Variants in SLC71A1 observed in about 807,000 individuals in gnomAD.
The protein encoded by SLC71A1 is solute carrier family 71 member 1, also known as hippocampus abundant gene transcript 1.
chr1:100,061,814 C>T, the SLC71A1 span: 1 of 1,430,780 alleles, frequency 7.0e-7, no homozygotes, highest in African/African-American at 1.4e-5. Context: ...CTAACCATTT[C>T]TTGTTATCTT....
chr1:100,082,844 T>TTAAG, the SLC71A1 span: 10 of 152,692 alleles, frequency 6.5e-5, no homozygotes, highest in Non-Finnish European at 1.3e-4. Flanking sequence ...CATTTAGCAT[T>TTAAG]TAAGTTGGGG....
At chr1:100,069,803 T>C in the SLC71A1 span, 7 of 711,302 alleles carry the variant, frequency 9.8e-6, no homozygotes, top group Admixed American at 1.4e-4. Flanking sequence ...CTGAGGTTGA[T>C]AGGTTCAGAA....
At chr1:100,081,734 A>G in the SLC71A1 span, among the ~76,000 whole-genome samples, 5 of 152,324 alleles carry the variant, frequency 3.3e-5, no homozygotes, top group Admixed American at 3.3e-4. Context: ...CAAATTAATC[A>G]TAGAATAGCT....
the SLC71A1 span, chr1:100,077,249 G>A: frequency 1.3e-6 from 2 of 1,574,362 alleles, no homozygotes; most frequent in Non-Finnish European, 1.7e-6. Context: ...ATTACAGTTG[G>A]CATGGTATGG....
At chr1:100,071,289 CAAAAAAAA>C in the SLC71A1 span, among the ~76,000 whole-genome samples, 25 of 53,388 alleles carry the variant, frequency 4.7e-4, no homozygotes, top group South Asian at 1.4e-3. Context: ...CCATCTCTAC[CAAAAAAAA>C]AAAAAAAAAA....
the SLC71A1 span, chr1:100,078,724 T>C: frequency 2.3e-4 from 117 of 509,448 alleles, 2 homozygotes; most frequent in Middle Eastern, 2.0e-3. Context: ...TAGATACATA[T>C]TCCCTTTTCT....
At chr1:100,070,436 C>T in the SLC71A1 span, among the ~76,000 whole-genome samples, 3 of 152,180 alleles carry the variant, frequency 2.0e-5, no homozygotes, top group South Asian at 4.1e-4. Context: ...GGGACCAGAT[C>T]GTGCGGGGCT....
At chr1:100,046,144 A>G in the SLC71A1 span, among the ~76,000 whole-genome samples, 1 of 139,262 alleles carries the variant, frequency 7.2e-6, no homozygotes, top group Non-Finnish European at 1.5e-5. Flanking sequence ...TACCAGTATT[A>G]TGCTGTTTTG....
chr1:100,052,841 T>G, the SLC71A1 span, among the ~76,000 whole-genome samples: 1 of 150,300 alleles, frequency 6.7e-6, no homozygotes, highest in Non-Finnish European at 1.5e-5. Context: ...TGGAGTGCAG[T>G]GGTGCAACCT....
chr1:100,082,850 TG>T, the SLC71A1 span: 2 of 152,578 alleles, frequency 1.3e-5, no homozygotes, highest in African/African-American at 4.8e-5. Flanking sequence ...GCATTTAAGT[TG>T]GGGTATTTAG....
the SLC71A1 span, among the ~76,000 whole-genome samples, chr1:100,055,378 A>G: frequency 6.6e-6 from 1 of 150,406 alleles, no homozygotes; most frequent in Non-Finnish European, 1.5e-5. Flanking sequence ...GCTTCTGGCA[A>G]CTTTCTCTTT....
the SLC71A1 span, among the ~76,000 whole-genome samples, chr1:100,047,390 A>G: frequency 6.6e-6 from 1 of 152,210 alleles, no homozygotes; most frequent in Non-Finnish European, 1.5e-5. Context: ...TCATACCTGG[A>G]TGAATCCCAC....
At chr1:100,046,976 CTCTA>C in the SLC71A1 span, among the ~76,000 whole-genome samples, 1 of 152,176 alleles carries the variant, frequency 6.6e-6, no homozygotes, top group African/African-American at 2.4e-5. Context: ...TTAGGGTTCT[CTCTA>C]TATAAGGTCA....
the SLC71A1 span, among the ~76,000 whole-genome samples, chr1:100,057,713 GAGA>G: frequency 6.6e-6 from 1 of 152,104 alleles, no homozygotes; most frequent in Non-Finnish European, 1.5e-5. Flanking sequence ...CTATTGGCAG[GAGA>G]AGAATAACTG....
At chr1:100,039,648 CTA>C in the SLC71A1 span, among the ~76,000 whole-genome samples, 1 of 152,068 alleles carries the variant, frequency 6.6e-6, no homozygotes, top group Admixed American at 6.5e-5. Flanking sequence ...TAGGTAAGAA[CTA>C]TGTGGGGAGA....
At chr1:100,038,227 G>A in the SLC71A1 span, 2 of 1,554,522 alleles carry the variant, frequency 1.3e-6, no homozygotes, top group East Asian at 2.4e-5. Flanking sequence ...AATCGAGGAT[G>A]GTAAAATGAC....
At chr1:100,053,337 TCTC>T in the SLC71A1 span, among the ~76,000 whole-genome samples, 1 of 152,154 alleles carries the variant, frequency 6.6e-6, no homozygotes, top group Non-Finnish European at 1.5e-5. Context: ...AAAAGAAGGC[TCTC>T]CTCTTAAAAG....
At chr1:100,066,946 G>A in the SLC71A1 span, among the ~76,000 whole-genome samples, 1 of 123,768 alleles carries the variant, frequency 8.1e-6, no homozygotes, top group East Asian at 2.7e-4. Flanking sequence ...CCGAGATCGC[G>A]CCACTGCACT....
the SLC71A1 span, among the ~76,000 whole-genome samples, chr1:100,049,064 A>G: frequency 2.6e-5 from 4 of 151,948 alleles, no homozygotes; most frequent in Non-Finnish European, 4.4e-5. Context: ...TTATGCCCTC[A>G]TTTCTTGTTT....
Sources: gnomAD v4.1 joint callset for allele counts (sites outside exome capture counted in the v4.1 genomes callset) on GRCh38, gnomAD v4.1.1 for gene constraint, MANE v1.5 for transcripts, NCBI Gene and HGNC (gene_info 2026-07-23, HGNC 2026-07-21) for gene names.